Variants in AOPEP observed in about 807,000 individuals in gnomAD.
The protein encoded by AOPEP is aminopeptidase O (putative), also known as aminopeptidase O.
Under a neutral mutation model 98.1 loss-of-function variants are expected in AOPEP, and 77 were observed. That is an observed-to-expected ratio of 0.78 (90% CI 0.65 to 0.95). AOPEP has a LOEUF of 0.95. AOPEP is among the 40% of genes least tolerant of loss of function. The probability of loss-of-function intolerance (pLI) is 0.00; values close to 1 mark genes in which losing one functional copy is unlikely to be tolerated. For missense variants in AOPEP, 1,024 were observed against 1,024.7 expected (o/e 1.00, Z 0.01); for synonymous variants, 346 against 365.3 (o/e 0.95, Z 0.60).
the AOPEP span, among the ~76,000 whole-genome samples, chr9:95,132,716 C>CTAG: frequency 0.011 from 1,603 of 152,256 alleles, 16 homozygotes; most frequent in Non-Finnish European, 0.018. Flanking sequence ...ATTTGGAACT[C>CTAG]AGGTAATAAG....
chr9:95,006,901 ATT>A (rs559290637), intron 13 of AOPEP, among the ~76,000 whole-genome samples: 93,025 of 128,702 alleles, frequency 0.72, 34,807 homozygotes, highest in Non-Finnish European at 0.85. Flanking sequence ...GTTGCTGTTA[ATT>A]TTTTTTTTTT....
chr9:94,767,674 C>G (rs894394398), intron 2 of AOPEP, among the ~76,000 whole-genome samples: 4 of 152,224 alleles, frequency 2.6e-5, no homozygotes, highest in African/African-American at 9.6e-5. Context: ...AAATAACTGT[C>G]TTTGCCTTTA....
In AOPEP at chr9:94,781,751, G is replaced by T. The variant is rs1310167182; in HGVS notation, c.964+8583G>T. ...AATTTTTTGTATTTTTAGCAGAGAC[G>T]GGGTTTCACCGTGTTAGCCAGGATG... is the stretch of plus-strand genomic sequence containing the variant. On this transcript the variant is annotated intron_variant, in intron 3 of 16. Coordinates refer to ENST00000375315, the MANE Select transcript of AOPEP (RefSeq NM_001193329.3). Among the ~76,000 whole-genome samples the T allele has an allele frequency of 6.6e-5, 10 of 151,068 alleles. No individual in the cohort carries two copies. In the South Asian group the frequency reaches 1.9e-3, roughly 28 times the overall value.
chr9:95,064,148 T>C (rs2133968069), intron 14 of AOPEP, among the ~76,000 whole-genome samples: 1 of 152,322 alleles, frequency 6.6e-6, no homozygotes, highest in African/African-American at 2.4e-5. Context: ...TCAGCACTCA[T>C]CCGGCTGCCT....
At chr9:94,872,770 A>G (rs181562107) in intron 5 of AOPEP, among the ~76,000 whole-genome samples, 109 of 152,308 alleles carry the variant, frequency 7.2e-4, no homozygotes, top group Admixed American at 2.4e-3. Flanking sequence ...CTGCCTACTC[A>G]TTTGGAAAGA....
At chr9:94,771,256 C>T (rs1840807403) in intron 2 of AOPEP, among the ~76,000 whole-genome samples, 1 of 152,134 alleles carries the variant, frequency 6.6e-6, no homozygotes, top group Admixed American at 6.5e-5. Context: ...TTACCCTATG[C>T]AAATTAGGTG....
chr9:95,034,905 G>A (rs543331675), intron 13 of AOPEP, among the ~76,000 whole-genome samples: 2 of 152,230 alleles, frequency 1.3e-5, no homozygotes, highest in East Asian at 1.9e-4. Context: ...ACTTGGGAGA[G>A]AAGTGGGAAG....
intron 13 of AOPEP, among the ~76,000 whole-genome samples, chr9:95,033,000 G>A (rs1197186487): frequency 6.6e-6 from 1 of 152,300 alleles, no homozygotes; most frequent in Non-Finnish European, 1.5e-5. Flanking sequence ...GGATGGCCAC[G>A]TATTGTTCAG....
chr9:94,984,035 ATTT>A, intron 11 of AOPEP, among the ~76,000 whole-genome samples: 1 of 142,684 alleles, frequency 7.0e-6, no homozygotes, highest in Admixed American at 7.1e-5. Flanking sequence ...TGAGGAGCTA[ATTT>A]TTTTTTTTTT....
At chr9:95,128,184 A>C in the AOPEP span, among the ~76,000 whole-genome samples, 2 of 152,244 alleles carry the variant, frequency 1.3e-5, no homozygotes, top group African/African-American at 4.8e-5. Context: ...CACCGGATAT[A>C]AGCACGGAAA....
intron 9 of AOPEP, among the ~76,000 whole-genome samples, chr9:94,956,395 C>G (rs1334688603): frequency 6.6e-6 from 1 of 152,178 alleles, no homozygotes; most frequent in Non-Finnish European, 1.5e-5. Context: ...CTCACGTGTC[C>G]CACCCCTTTG....
chr9:94,740,561 A>C (rs1832837656), intron 1 of AOPEP, among the ~76,000 whole-genome samples: 1 of 152,186 alleles, frequency 6.6e-6, no homozygotes, highest in Admixed American at 6.5e-5. Flanking sequence ...GATAGAAAGA[A>C]TGGTAAAGTG....
At chr9:95,143,745 G>A in the AOPEP span, among the ~76,000 whole-genome samples, 185 of 152,290 alleles carry the variant, frequency 1.2e-3, 4 homozygotes, top group Admixed American at 0.012. Context: ...ATGTCATGCT[G>A]TATTACTTAT....
chr9:94,921,030 C>T (rs1361171494), intron 5 of AOPEP, among the ~76,000 whole-genome samples: 1 of 150,864 alleles, frequency 6.6e-6, no homozygotes, highest in Admixed American at 6.6e-5. Flanking sequence ...CACTTTCCTG[C>T]CCATCTCTTA....
chr9:94,847,906 T>C (rs1044926506), intron 5 of AOPEP, among the ~76,000 whole-genome samples: 4 of 152,222 alleles, frequency 2.6e-5, no homozygotes, highest in African/African-American at 9.6e-5. Flanking sequence ...TCTAGTTCTT[T>C]ACTTGGTCCT....
chr9:95,074,481 C>G (rs1168113693), intron 14 of AOPEP, among the ~76,000 whole-genome samples: 1 of 152,154 alleles, frequency 6.6e-6, no homozygotes. Flanking sequence ...TTTGGAAACC[C>G]GGAAAGTGCT....
chr9:94,995,140 G>A (rs1802049655), intron 11 of AOPEP, among the ~76,000 whole-genome samples: 1 of 152,178 alleles, frequency 6.6e-6, no homozygotes, highest in African/African-American at 2.4e-5. Context: ...GTTTGTAGTA[G>A]CTCAGATGTG....
intron 5 of AOPEP, among the ~76,000 whole-genome samples, chr9:94,863,525 G>A (rs143441496): frequency 5.3e-4 from 81 of 152,054 alleles, no homozygotes; most frequent in Non-Finnish European, 7.5e-4. Context: ...CAGGTGATCC[G>A]CCTGCATGGC....
chr9:94,813,699 T>C (rs2134022042), intron 5 of AOPEP, among the ~76,000 whole-genome samples: 1 of 152,336 alleles, frequency 6.6e-6, no homozygotes, highest in South Asian at 2.1e-4. Context: ...GGCCTGGGCT[T>C]CTATAGCTCT....
Sources: allele counts gnomAD v4.1 joint callset (sites outside exome capture counted in the v4.1 genomes callset), GRCh38; gene constraint gnomAD v4.1.1; transcripts MANE v1.5; gene names NCBI Gene and HGNC (gene_info 2026-07-23, HGNC 2026-07-21).